SMOC1: variants seen among roughly 807,000 people sequenced by gnomAD.
The protein encoded by SMOC1 is SPARC related modular calcium binding 1.
Under a neutral mutation model 56.3 loss-of-function variants are expected in SMOC1, and 22 were observed. The ratio of observed to expected loss-of-function variants is 0.39; its 90% CI spans 0.28 to 0.56. SMOC1 has a LOEUF of 0.56. Among genes scored for constraint, SMOC1 ranks in the 20% least tolerant of loss-of-function variants. The pLI, the probability that SMOC1 is intolerant of heterozygous loss-of-function variation, is 0.61. For synonymous variants in SMOC1, 193 were observed against 215.0 expected, an observed-to-expected ratio of 0.90 and a Z score of 0.89; for missense variants, 509 against 565.4, an observed-to-expected ratio of 0.90 and a Z score of 1.01.
chr14:69,956,859 C>A (rs1242447332), intron 3 of SMOC1, among the ~76,000 whole-genome samples: 1 of 152,154 alleles, frequency 6.6e-6, no homozygotes, highest in Non-Finnish European at 1.5e-5. Context: ...GAAACCTAGG[C>A]CATATCCCAG....
intron 1 of SMOC1, among the ~76,000 whole-genome samples, chr14:69,910,330 G>A (rs186951664): frequency 2.0e-5 from 3 of 152,316 alleles, no homozygotes; most frequent in East Asian, 1.9e-4. Flanking sequence ...GCAAAGTCCT[G>A]TGCTTTCCAA....
chr14:69,888,986 A>G (rs914830473), intron 1 of SMOC1, among the ~76,000 whole-genome samples: 1 of 152,170 alleles, frequency 6.6e-6, no homozygotes, highest in Non-Finnish European at 1.5e-5. Context: ...TCATCCACAG[A>G]ACTTTCCACA....
chr14:69,961,862 ATT>A (rs1883393974), intron 3 of SMOC1, among the ~76,000 whole-genome samples: 1 of 152,182 alleles, frequency 6.6e-6, no homozygotes, highest in Non-Finnish European at 1.5e-5. Context: ...ACCATTTTAC[ATT>A]CCCACCGGCA....
chr14:69,973,369 T>C (rs370946173), intron 3 of SMOC1, among the ~76,000 whole-genome samples: 2 of 152,380 alleles, frequency 1.3e-5, no homozygotes, highest in African/African-American at 4.8e-5. Context: ...CCCCATTTTA[T>C]AGATGGGCTC....
At chr14:69,994,319 T>A in intron 6 of SMOC1, 81 bp from the exon 7 acceptor site, 1 of 1,096,056 alleles carries the variant, frequency 9.1e-7, no homozygotes. Context: ...GAAAAATGAC[T>A]ATTAAGAAGT....
intron 1 of SMOC1, among the ~76,000 whole-genome samples, chr14:69,912,202 T>C (rs1884571966): frequency 6.6e-6 from 1 of 152,214 alleles, no homozygotes; most frequent in South Asian, 2.1e-4. Context: ...TTGAATTGTA[T>C]TTTTGACTGC....
rs1268396004 is a variant in SMOC1 at position 70,009,181 on chromosome 14, A to G, written c.665-1573A>G. Among the ~76,000 whole-genome samples, 5 of 152,356 alleles carry G rather than the reference A, an allele frequency of 3.3e-5. No individual in the cohort carries two copies. In the East Asian group the frequency reaches 7.7e-4, roughly 23 times the overall value. On this transcript the variant is annotated intron_variant, in intron 7 of 11. Transcript: ENST00000361956. ...ATTCAAAACAACATTTTCTATTTTAATAGTGAATATGCTATATGTGCCTGC... is the reference window on the plus strand; with the variant it reads ...ATTCAAAACAACATTTTCTATTTTAGTAGTGAATATGCTATATGTGCCTGC...
chr14:69,962,082 C>T (rs1883401471), intron 3 of SMOC1, among the ~76,000 whole-genome samples: 2 of 152,070 alleles, frequency 1.3e-5, no homozygotes, highest in African/African-American at 4.8e-5. Flanking sequence ...GATCCTTTTC[C>T]CATTTCTTAA....
intron 11 of SMOC1, among the ~76,000 whole-genome samples, chr14:70,029,379 G>T (rs1240662177): frequency 6.6e-6 from 1 of 152,184 alleles, no homozygotes; most frequent in African/African-American, 2.4e-5. Context: ...TTCTGTCCAG[G>T]TACATCAGCA....
chr14:69,910,148 G>A (rs1233269363), intron 1 of SMOC1, among the ~76,000 whole-genome samples: 1 of 152,216 alleles, frequency 6.6e-6, no homozygotes, highest in Non-Finnish European at 1.5e-5. Flanking sequence ...TATGGATCAA[G>A]TCCTATGTTA....
intron 1 of SMOC1, among the ~76,000 whole-genome samples, chr14:69,925,739 G>C (rs948105289): frequency 2.0e-5 from 3 of 152,192 alleles, no homozygotes; most frequent in Non-Finnish European, 4.4e-5. Flanking sequence ...AATCAGGGCT[G>C]CTGGCTCTCT....
chr14:69,980,064 TG>T (rs148734821), intron 5 of SMOC1, among the ~76,000 whole-genome samples: 9 of 152,040 alleles, frequency 5.9e-5, no homozygotes, highest in Non-Finnish European at 8.8e-5. Flanking sequence ...CAGCTGGAAG[TG>T]GGGGGGTGAG....
chr14:70,000,495 T>C (rs1344043657), intron 7 of SMOC1, among the ~76,000 whole-genome samples: 1 of 152,218 alleles, frequency 6.6e-6, no homozygotes, highest in Non-Finnish European at 1.5e-5. Flanking sequence ...CATATTCTTT[T>C]TGGTGGAAGG....
chr14:70,023,444 G>T lies in SMOC1; in HGVS notation c.1288G>T (p.Glu430Ter). The T allele has an allele frequency of 6.2e-7, 1 of 1,613,896 alleles. No individual in the cohort carries two copies. Residue 430 changes from glutamate (E) to a stop codon, truncating the protein, a stop_gained, in exon 11 of 12, where the codon GAA becomes TAA. Transcript: ENST00000361956. LOFTEE classifies it high-confidence loss of function. ...GAAGGGCTGCCTGGGTGTTAGCAAA[G>T]AAGGTGAGTGCTCTCCCCTGTGCTC... ...ELKGCLGVSKEVGRLV is the reference protein window; with the variant it reads ...ELKGCLGVSK
chr14:69,997,537 A>G (rs1884810751), intron 7 of SMOC1, among the ~76,000 whole-genome samples: 1 of 152,182 alleles, frequency 6.6e-6, no homozygotes, highest in Non-Finnish European at 1.5e-5. Context: ...CTTATATGTA[A>G]AACAAAGTTT....
At chr14:69,903,216 C>G (rs978693680) in intron 1 of SMOC1, among the ~76,000 whole-genome samples, 15 of 151,328 alleles carry the variant, frequency 9.9e-5, no homozygotes, top group African/African-American at 3.4e-4. Flanking sequence ...TGTGGGGAGC[C>G]CCTCTGCCCC....
At chr14:69,897,787 T>C (rs1035485731) in intron 1 of SMOC1, among the ~76,000 whole-genome samples, 7 of 152,204 alleles carry the variant, frequency 4.6e-5, no homozygotes, top group African/African-American at 1.7e-4. Context: ...GTTGCTAATA[T>C]TATTATTTTG....
chr14:69,952,433 T>A, intron 2 of SMOC1, 130 bp downstream of exon 2: 1 of 1,074,170 alleles, frequency 9.3e-7, no homozygotes, highest in Non-Finnish European at 1.4e-6. Context: ...TCTCCACCCC[T>A]TCCACCAGGG....
rs1310059761 is a variant in SMOC1, at chr14:69,990,226, C to T, written c.527-2191C>T. On this transcript the variant is annotated intron_variant, in intron 5 of 11. Transcript: ENST00000361956. ...GACCTTCTTTGCTGATGGCTGGGCC[C>T]GATGGGCAGTCCAAGATTTTCATCT... 3.9e-5 allele frequency among the ~76,000 whole-genome samples: 6 copies of T among 152,100 alleles called. No homozygotes were observed. The East Asian group carries it at 7.7e-4, about 20-fold the overall frequency.
Sources: gnomAD v4.1 joint callset for allele counts (sites outside exome capture counted in the v4.1 genomes callset) on GRCh38, gnomAD v4.1.1 for gene constraint, MANE v1.5 for transcripts, NCBI Gene and HGNC (gene_info 2026-07-23, HGNC 2026-07-21) for gene names.